The following CAD variants were observed in gnomAD, a reference collection of about 807,000 sequenced individuals.
CAD encodes the protein multifunctional protein CAD.
Under a neutral mutation model 237.2 loss-of-function variants are expected in CAD, and 81 were observed. The observed-to-expected ratio is 0.34, with a 90% CI of 0.29 to 0.41. CAD has a LOEUF of 0.41. CAD is among the 10% of genes least tolerant of loss of function. CAD has a pLI of 1.00. For synonymous variants in CAD, 1,196 were observed against 1,162.8 expected, an observed-to-expected ratio of 1.03 and a Z score of -0.58; for missense variants, 2,181 against 2,951.7, an observed-to-expected ratio of 0.74 and a Z score of 6.05.
chr2:27,230,451 C>T (rs1163629284), intron 15 of CAD, among the ~76,000 whole-genome samples: 1 of 151,998 alleles, frequency 6.6e-6, no homozygotes, highest in East Asian at 1.9e-4. Flanking sequence ...ACCAGCTTGG[C>T]CAACATGGTG....
Position 27,233,274 on chromosome 2 carries a change from T to A in CAD, c.2992-38T>A. The A allele has an allele frequency of 6.3e-7, 1 of 1,587,348 alleles. No individual in the cohort carries two copies. The highest frequency in any genetic ancestry group is 8.7e-7 in the Non-Finnish European group (1 of 1,156,064). ...CAGGAAGGCTCAGATTCCTGCCCTC[T>A]TTTGCTGCCACCACTTGTTTCTCCC... On this transcript the variant is annotated intron_variant, in intron 19 of 43. Coordinates refer to ENST00000264705, the MANE Select transcript of CAD (RefSeq NM_004341.5). This position sits in a 1 kb window ranked among gnomAD's most constrained non-coding sequence, Gnocchi z 6.3.
At position 27,233,599 on chromosome 2, in the gene CAD, C is replaced by A. The variant is rs372485900; in HGVS notation, c.3217-27C>A. 70 of 1,613,838 alleles carry A rather than the reference C, an allele frequency of 4.3e-5. No homozygotes were observed. Among genetic ancestry groups the A allele is most frequent in the Non-Finnish European group, 5.2e-5 (61 of 1,179,890 alleles). On this transcript the variant is annotated intron_variant, in intron 20 of 43. Transcript: ENST00000264705. This position sits in a 1 kb window ranked among gnomAD's most constrained non-coding sequence, Gnocchi z 6.3. ...GATGCTTGGGGGAAAGTGTGAACAA[C>A]TCAGCTAAGCTCCCTGCCTCCTGTA...
chr2:27,242,774 A>G lies in CAD; in HGVS notation c.6377A>G (p.Gln2126Arg). The G allele has an allele frequency of 6.2e-7, 1 of 1,614,198 alleles. No individual in the cohort carries two copies. The highest frequency in any genetic ancestry group is 8.5e-7 in the Non-Finnish European group (1 of 1,180,038). The change falls in exon 41 of 44, where the codon CAG becomes CGG. Residue 2126 changes from glutamine to arginine, a missense_variant and splice_region_variant. Around this residue, in one of 12 missense-constraint regions of CAD, gnomAD observed 170 missense variants for 212.1 expected, o/e 0.80. Coordinates refer to ENST00000264705, the MANE Select transcript of CAD (RefSeq NM_004341.5). This position sits in a 1 kb window ranked among gnomAD's most constrained non-coding sequence, Gnocchi z 6.4. ...TTCGTGGCCTCCCGCGGCACCAAGC[A>G]GGTGAGACCCTCACAGCCCTGCCTG... ...RAFVASRGTKQEEFESIEEAL... is the reference protein window; with the variant it reads ...RAFVASRGTKREEFESIEEAL...
Position 27,238,061 on chromosome 2 carries a change from C to G in CAD, c.4734C>G (p.Phe1578Leu), listed in dbSNP as rs761329377. Residue 1578 changes from phenylalanine to leucine, a missense_variant, in exon 30 of 44, where the codon TTC (phenylalanine) becomes TTG (leucine). Phe to Leu is a conservative substitution (Grantham distance 22, BLOSUM62 0). Transcript: ENST00000264705. ...LDSVVQWMEH[F>L]ETWPSHLPIV... ...TCAGTTCTTTCTGCTCCCAGCATTTCGAGACATGGCCCTCCCACCTCCCCA... is the reference window on the plus strand; with the variant it reads ...TCAGTTCTTTCTGCTCCCAGCATTTGGAGACATGGCCCTCCCACCTCCCCA... The G allele has an allele frequency of 3.7e-6, 6 of 1,613,954 alleles. No individual in the cohort carries two copies. The African/African-American group carries it at 4.0e-5, about 11-fold the overall frequency.
Position 27,239,034 on chromosome 2 carries a change from T to C in CAD, c.5063-8T>C, listed in dbSNP as rs1359948375. The stretch of plus-strand genomic sequence containing the variant: ...TGGTCCTGAGGGTAATGGCTTTCTT[T>C]CTCCCAGCTCCCCATACCTTGGAGG... On this transcript the variant is annotated splice_region_variant and splice_polypyrimidine_tract_variant and intron_variant, in intron 31 of 43. Coordinates refer to ENST00000264705, the MANE Select transcript of CAD (RefSeq NM_004341.5). The surrounding 1 kb of genome is among the most constrained non-coding windows in gnomAD (Gnocchi z 4.0). The C allele has an allele frequency of 1.9e-6, 3 of 1,540,820 alleles. No individual in the cohort carries two copies. The highest frequency in any genetic ancestry group is 2.6e-6 in the Non-Finnish European group (3 of 1,146,870).
In CAD at chr2:27,217,564, G is replaced by C; in HGVS notation, c.13G>C (p.Val5Leu). 1.2e-6 allele frequency: 2 copies of C among 1,607,290 alleles called. No homozygotes were observed. The highest frequency in any genetic ancestry group is 8.5e-7 in the Non-Finnish European group (1 of 1,177,362). The change falls in exon 1 of 44, where the codon GTG becomes CTG. Residue 5 changes from valine (V) to leucine (L), a missense_variant. Coordinates refer to ENST00000264705, the MANE Select transcript of CAD (RefSeq NM_004341.5). MAAL[V>L]LEDGSVLRGQ... ...GAGCTCCCTTCCCATGGCGGCCCTAGTGTTGGAGGACGGGTCGGTCCTGCG... is the reference window on the plus strand; with the variant it reads ...GAGCTCCCTTCCCATGGCGGCCCTACTGTTGGAGGACGGGTCGGTCCTGCG...
chr2:27,240,177 C>G lies in CAD; in HGVS notation c.5497-88C>G. On this transcript the variant is annotated intron_variant, in intron 34 of 43. Transcript: ENST00000264705. The surrounding 1 kb of genome is among the most constrained non-coding windows in gnomAD (Gnocchi z 4.6). ...AATTGCTTGAACCCAGAAGGTCACG[C>G]CACTGCACTCCAGCCTGAGCGACAG... The G allele has an allele frequency of 9.1e-7, 1 of 1,095,840 alleles. No homozygotes were observed. Among genetic ancestry groups the G allele is most frequent in the South Asian group, 1.3e-5 (1 of 74,906 alleles). 67.9% of individuals were successfully genotyped at this position (1,095,840 alleles called of 1,614,324 possible).
rs199698155 is a variant in CAD at position 27,236,766 on chromosome 2, G to T, written c.4332G>T (p.Gly1444=). Residue 1444 remains glycine (G), a synonymous_variant, in exon 27 of 44, where the codon GGG becomes GGT. Transcript: ENST00000264705. The surrounding 1 kb of genome is among the most constrained non-coding windows in gnomAD (Gnocchi z 4.1). Reference sequence around the variant, plus strand: ...ACTTGCAGGCCCTAGGCCAGATCGGGCCAGCCCCTCCTTTGAAGGTGCATG... The same window carrying T: ...ACTTGCAGGCCCTAGGCCAGATCGGTCCAGCCCCTCCTTTGAAGGTGCATG... The part of the protein sequence containing the change: ...KLFVEALGQI[G]PAPPLKVHVD... The T allele has an allele frequency of 2.4e-4, 383 of 1,614,126 alleles. 7 individuals carry two copies. The South Asian group carries it at 3.0e-3, about 13-fold the overall frequency.
In CAD at chr2:27,226,982, C is replaced by T. The variant is rs369077056; in HGVS notation, c.2287+20C>T. On this transcript the variant is annotated intron_variant, in intron 15 of 43. Transcript: ENST00000264705. ...GCGTTGGTGAGACTCATGCCCTGGG[C>T]ACCCCCATGGGGCCCCACCATGACC... 7 of 1,613,142 alleles carry T rather than the reference C, an allele frequency of 4.3e-6. No homozygotes were observed. The highest frequency in any genetic ancestry group is 5.9e-6 in the Non-Finnish European group (7 of 1,179,262).
intron 22 of CAD, 31 bp downstream of exon 22, chr2:27,234,257 C>G: frequency 6.3e-7 from 1 of 1,575,484 alleles, no homozygotes; most frequent in Non-Finnish European, 8.7e-7. Context: ...AACTAAAGGG[C>G]CACAGCTCTT....
rs567235864 is a variant in CAD, at chr2:27,239,633, A to G, written c.5395-64A>G. 1.9e-5 allele frequency: 28 copies of G among 1,495,920 alleles called. No homozygotes were observed. The East Asian group carries it at 5.7e-4, about 30-fold the overall frequency. 92.7% of individuals were successfully genotyped at this position (1,495,920 alleles called of 1,614,324 possible). A position where few individuals can be genotyped will look rare whatever the true frequency, so the allele number is the denominator to read the frequency against. On this transcript the variant is annotated intron_variant, in intron 33 of 43. Transcript: ENST00000264705. This position sits in a 1 kb window ranked among gnomAD's most constrained non-coding sequence, Gnocchi z 4.0. ...CAAGGTGCTTTTTGTCCTTGCTGACATCTACCCCTTTAGGACCTGAGTTCT... is the reference window on the plus strand; with the variant it reads ...CAAGGTGCTTTTTGTCCTTGCTGACGTCTACCCCTTTAGGACCTGAGTTCT...
chr2:27,226,036 A>G lies in CAD; in HGVS notation c.1843-95A>G, dbSNP rs138393235. ...GTTGTATGTCCCTCAGACCCAGGTT[A>G]GGTGCAGCCCCAGAGGTAACAGGAC... On this transcript the variant is annotated intron_variant, in intron 12 of 43. Transcript: ENST00000264705. The G allele has an allele frequency of 6.3e-3, 9,302 of 1,481,162 alleles. 47 individuals carry two copies. Among genetic ancestry groups the G allele is most frequent in the Non-Finnish European group, 8.1e-3 (8,630 of 1,063,834 alleles). The allele number at this position is 1,481,162 out of a possible 1,614,324, so 91.8% of individuals were successfully genotyped here. A position where few individuals can be genotyped will look rare whatever the true frequency, so the allele number is the denominator to read the frequency against.
At position 27,221,353 on chromosome 2, in the gene CAD, G is replaced by A. The variant is rs760750002; in HGVS notation, c.352+6G>A. The A allele has an allele frequency of 7.1e-6, 11 of 1,558,620 alleles. No homozygotes were observed. In the South Asian group the frequency reaches 1.1e-4, roughly 15 times the overall value. The stretch of plus-strand genomic sequence containing the variant: ...TGGCATCCCTGGCTTGCAAGGTATG[G>A]TGGCAAGCAGGGGCATATTTGGGCA... On this transcript the variant is annotated splice_donor_region_variant and intron_variant, in intron 3 of 43. Transcript: ENST00000264705.
Position 27,241,192 on chromosome 2 carries a change from C to A in CAD, c.5773C>A (p.His1925Asn), listed in dbSNP as rs764043505. The change falls in exon 37 of 44, where the codon CAT (histidine) becomes AAT (asparagine). Residue 1925 changes from histidine (H) to asparagine (N), a missense_variant. His to Asn is a moderately conservative substitution (Grantham distance 68). Coordinates refer to ENST00000264705, the MANE Select transcript of CAD (RefSeq NM_004341.5). The surrounding 1 kb of genome is among the most constrained non-coding windows in gnomAD (Gnocchi z 4.6). ...CCTGCTGCACTCATTAGTGGGCCAA[C>A]ATATCCTGTCCGTCCAGCAGTTCAC... ...SPLLHSLVGQHILSVQQFTKD... is the reference protein window; with the variant it reads ...SPLLHSLVGQNILSVQQFTKD... 6.2e-7 allele frequency: 1 copy of A among 1,612,928 alleles called. No homozygotes were observed. The highest frequency in any genetic ancestry group is 8.5e-7 in the Non-Finnish European group (1 of 1,179,392).
At position 27,240,779 on chromosome 2, in the gene CAD, C is replaced by T; in HGVS notation, c.5594-132C>T. The T allele has an allele frequency of 8.4e-7, 1 of 1,195,056 alleles. No individual in the cohort carries two copies. The highest frequency in any genetic ancestry group is 1.4e-5 in the South Asian group (1 of 72,732). 74.0% of individuals were successfully genotyped at this position (1,195,056 alleles called of 1,614,324 possible). On this transcript the variant is annotated intron_variant, in intron 35 of 43. Coordinates refer to ENST00000264705, the MANE Select transcript of CAD (RefSeq NM_004341.5). This position sits in a 1 kb window ranked among gnomAD's most constrained non-coding sequence, Gnocchi z 4.6. ...AGAGCTGCTGCAGTCCCCTGCCCTCCCCTAACCTGCTATATTACTGTGTTG... is the reference window on the plus strand; with the variant it reads ...AGAGCTGCTGCAGTCCCCTGCCCTCTCCTAACCTGCTATATTACTGTGTTG...
intron 2 of CAD, among the ~76,000 whole-genome samples, chr2:27,219,003 A>C (rs889854155): frequency 6.6e-6 from 1 of 152,220 alleles, no homozygotes; most frequent in Non-Finnish European, 1.5e-5. Flanking sequence ...GTTGATAGTG[A>C]ATTCTTGTGA....
At chr2:27,224,950 C>T (rs1001678249) in intron 10 of CAD, 60 bp from the exon 11 acceptor site, 1 of 1,608,544 alleles carries the variant, frequency 6.2e-7, no homozygotes, top group African/African-American at 1.3e-5. Flanking sequence ...GGTTATTAAA[C>T]TTTGATTGCC....
chr2:27,218,555 C>T (rs529099263), intron 2 of CAD, among the ~76,000 whole-genome samples: 1 of 152,112 alleles, frequency 6.6e-6, no homozygotes, highest in East Asian at 1.9e-4. Flanking sequence ...ACATACTTCT[C>T]TGTGACAGTG....
rs189892164 is a variant in CAD at position 27,235,682 on chromosome 2, C to T, written c.4074+42C>T. 1.1e-3 allele frequency: 1,635 copies of T among 1,539,824 alleles called. 11 individuals carry two copies. In the Middle Eastern group the frequency reaches 0.028, roughly 26 times the overall value. Reference sequence around the variant, plus strand: ...AACCTACCCCACTGCTGCCCTTCCCCAAGGGGGTGAAAATACTGCACCAAA... The same window carrying T: ...AACCTACCCCACTGCTGCCCTTCCCTAAGGGGGTGAAAATACTGCACCAAA... On this transcript the variant is annotated intron_variant, in intron 25 of 43. Transcript: ENST00000264705. The surrounding 1 kb of genome is among the most constrained non-coding windows in gnomAD (Gnocchi z 5.2).
Sources: allele counts gnomAD v4.1 joint callset (sites outside exome capture counted in the v4.1 genomes callset), GRCh38; gene constraint gnomAD v4.1.1; regional missense constraint gnomAD v4.1.1; non-coding constraint Gnocchi (gnomAD v3.1); transcripts MANE v1.5; gene names NCBI Gene and HGNC (gene_info 2026-07-23, HGNC 2026-07-21).